ZNF432: variants seen among roughly 807,000 people sequenced by gnomAD.
ZNF432 encodes zinc finger protein 432.
Under a neutral mutation model 13.9 loss-of-function variants are expected in ZNF432, and 10 were observed. The ratio of observed to expected loss-of-function variants is 0.72; its 90% CI spans 0.44 to 1.22. The LOEUF (loss-of-function observed/expected upper bound fraction) is 1.22. Among genes scored for constraint, ZNF432 ranks in the 50% most tolerant of loss-of-function variants. ZNF432 has a pLI of 0.00. For synonymous variants in ZNF432, 247 were observed against 256.2 expected, an observed-to-expected ratio of 0.96 and a Z score of 0.34; for missense variants, 793 against 796.2, an observed-to-expected ratio of 1.00 and a Z score of 0.05.
At chr19:52,046,828 A>C (rs1225139858) in intron 2 of ZNF432, 26 bp downstream of exon 2, 2 of 1,612,048 alleles carry the variant, frequency 1.2e-6, no homozygotes, top group Admixed American at 3.3e-5. Context: ...GGAATAAAGG[A>C]GAGAATAAAA....
chr19:52,032,439 T>TG lies in ZNF432; in HGVS notation c.*1280_*1281insC, dbSNP rs1226061998. On this transcript the variant is annotated 3_prime_UTR_variant, in exon 5 of 5. Transcript: ENST00000221315. ...TTGTGACAGTCCTCAAATATGGTTT[T>TG]TTTTTTTTTTTTTTGAGGCAGAGTT... The TG allele has an allele frequency of 4.0e-5, 6 of 150,778 alleles. No individual in the cohort carries two copies. The highest frequency in any genetic ancestry group is 8.9e-5 in the Non-Finnish European group (6 of 67,616). 9.3% of individuals were successfully genotyped at this position (150,778 alleles called of 1,614,324 possible).
chr19:52,048,182 C>CACACACA (rs1482172095), intron 1 of ZNF432, among the ~76,000 whole-genome samples: 1 of 146,216 alleles, frequency 6.8e-6, no homozygotes, highest in East Asian at 2.0e-4. Flanking sequence ...CACACACACA[C>CACACACA]AAAACCAGCC....
In ZNF432 at chr19:52,034,215, A is replaced by C; in HGVS notation, c.1464T>G (p.Ser488Arg). Residue 488 changes from serine to arginine, a missense_variant, in exon 5 of 5, where the codon AGT (serine) becomes AGG (arginine). Physicochemically the swap from Ser to Arg is moderately radical, Grantham distance 110. Coordinates refer to ENST00000221315, the MANE Select transcript of ZNF432 (RefSeq NM_014650.4). ...THTGEKPYRC[S>R]ECGKGFIVNS... Reference sequence around the variant, plus strand: ...TCACAATGAAACCTTTCCCACATTCACTGCACCTGTAAGGTTTCTCTCCAG... The same window carrying C: ...TCACAATGAAACCTTTCCCACATTCCCTGCACCTGTAAGGTTTCTCTCCAG... 2.5e-6 allele frequency: 4 copies of C among 1,614,110 alleles called. No homozygotes were observed. The highest frequency in any genetic ancestry group is 3.4e-6 in the Non-Finnish European group (4 of 1,180,004).
At position 52,034,519 on chromosome 19, in the gene ZNF432, C is replaced by T. The variant is rs1164838013; in HGVS notation, c.1160G>A (p.Arg387His). ...ECGKGFTMKS[R>H]MIEHQRTHTG... ...ATGAGTTCGTTGATGTTCGATCATACGGCTCTTCATGGTGAAGCCTTTCCC... is the reference window on the plus strand; with the variant it reads ...ATGAGTTCGTTGATGTTCGATCATATGGCTCTTCATGGTGAAGCCTTTCCC... The change falls in exon 5 of 5, where the codon CGT (arginine) becomes CAT (histidine). Residue 387 changes from arginine (R) to histidine (H), a missense_variant. Coordinates refer to ENST00000221315, the MANE Select transcript of ZNF432 (RefSeq NM_014650.4). 1.2e-5 allele frequency: 20 copies of T among 1,613,086 alleles called. No homozygotes were observed. The highest frequency in any genetic ancestry group is 2.7e-5 in the African/African-American group (2 of 74,632).
In ZNF432 at chr19:52,040,134, C is replaced by G. The variant is rs184293939; in HGVS notation, c.238+354G>C. Among the ~76,000 whole-genome samples, 50 of 152,196 alleles carry G rather than the reference C, an allele frequency of 3.3e-4. 1 individual carries two copies. In the East Asian group the frequency reaches 6.7e-3, roughly 21 times the overall value. The stretch of plus-strand genomic sequence containing the variant: ...GATGAACTAAAGGAAAAGTAGAAAT[C>G]AAATGTACAAAGGAAGTACTCTGAG... On this transcript the variant is annotated intron_variant, in intron 4 of 4. Coordinates refer to ENST00000221315, the MANE Select transcript of ZNF432 (RefSeq NM_014650.4).
rs3138637 is a variant in ZNF432, at chr19:52,048,128, A to AACACACACACACACACACACACACACAC, written c.-193+539_-193+566dup. On this transcript the variant is annotated intron_variant, in intron 1 of 4. Coordinates refer to ENST00000221315, the MANE Select transcript of ZNF432 (RefSeq NM_014650.4). ...TCTGTTCCAGCCAAAGTTTGAGCTC[A>AACACACACACACACACACACACACACAC]ACACACACACACACACACACACACA... 1.4e-3 allele frequency among the ~76,000 whole-genome samples: 141 copies of AACACACACACACACACACACACACACAC among 103,422 alleles called. 8 individuals carry two copies. The highest frequency in any genetic ancestry group is 1.9e-3 in the Non-Finnish European group (94 of 49,568). The allele number at this position is 103,422 out of a possible 152,430, so 67.8% of individuals were successfully genotyped here.
chr19:52,034,918 A>G lies in ZNF432; in HGVS notation c.761T>C (p.Ile254Thr), dbSNP rs1205554175. Residue 254 changes from isoleucine to threonine, a missense_variant, in exon 5 of 5, where the codon ATT becomes ACT. By Grantham distance (89) the Ile-to-Thr change is moderately conservative (BLOSUM62 -1). Coordinates refer to ENST00000221315, the MANE Select transcript of ZNF432 (RefSeq NM_014650.4). ...RKSRLNEHQRIHKREKSFICS... is the reference protein window; with the variant it reads ...RKSRLNEHQRTHKREKSFICS... Reference sequence around the variant, plus strand: ...TATAAAAGATTTCTCTCTTTTATGAATTCTTTGATGTTCATTTAGCCTGGA... The same window carrying G: ...TATAAAAGATTTCTCTCTTTTATGAGTTCTTTGATGTTCATTTAGCCTGGA... The G allele has an allele frequency of 1.2e-6, 2 of 1,612,864 alleles. No individual in the cohort carries two copies. Among genetic ancestry groups the G allele is most frequent in the East Asian group, 2.2e-5 (1 of 44,882 alleles).
rs2087067603 is a variant in ZNF432 at position 52,035,258 on chromosome 19, A to C, written c.421T>G (p.Leu141Val). The C allele has an allele frequency of 1.2e-6, 2 of 1,604,844 alleles. No individual in the cohort carries two copies. Among genetic ancestry groups the C allele is most frequent in the South Asian group, 2.3e-5 (2 of 88,406 alleles). The change falls in exon 5 of 5, where the codon TTA becomes GTA. Residue 141 changes from leucine (L) to valine (V), a missense_variant. Coordinates refer to ENST00000221315, the MANE Select transcript of ZNF432 (RefSeq NM_014650.4). ...ELYIKTLKSNLSLVNQNKSCE... is the reference protein window; with the variant it reads ...ELYIKTLKSNVSLVNQNKSCE... ...CTTTTGTTCTGGTTGACTAAACTTA[A>C]ATTTGATTTCAAAGTTTTTATATAT...
Position 52,034,910 on chromosome 19 carries a change from TTTTATGAATTC to T in ZNF432, c.758_768del (p.Arg253LysfsTer9). ...TCACTGCATATAAAAGATTTCTCTC[TTTTATGAATTC>T]TTTGATGTTCATTTAGCCTGGACTT... On this transcript the variant is annotated frameshift_variant, in exon 5 of 5. Transcript: ENST00000221315. LOFTEE classifies it low-confidence loss of function (END_TRUNC). The T allele has an allele frequency of 6.2e-7, 1 of 1,613,274 alleles. No homozygotes were observed. The highest frequency in any genetic ancestry group is 1.1e-5 in the South Asian group (1 of 90,788).
rs755035378 is a variant in ZNF432, at chr19:52,034,210, C to T, written c.1469G>A (p.Cys490Tyr). ...GCTATTCACAATGAAACCTTTCCCA[C>T]ATTCACTGCACCTGTAAGGTTTCTC... ...TGEKPYRCSE[C>Y]GKGFIVNSGL... Residue 490 changes from cysteine to tyrosine, a missense_variant, in exon 5 of 5, where the codon TGT becomes TAT. By Grantham distance (194) the Cys-to-Tyr change is radical. Coordinates refer to ENST00000221315, the MANE Select transcript of ZNF432 (RefSeq NM_014650.4). 36 of 1,614,040 alleles carry T rather than the reference C, an allele frequency of 2.2e-5. No individual in the cohort carries two copies. Among genetic ancestry groups the T allele is most frequent in the Non-Finnish European group, 3.0e-5 (35 of 1,180,022 alleles).
Position 52,041,508 on chromosome 19 carries a change from C to A in ZNF432, c.114G>T (p.Leu38Phe), listed in dbSNP as rs1415213069. 6.2e-7 allele frequency: 1 copy of A among 1,608,806 alleles called. No individual in the cohort carries two copies. The highest frequency in any genetic ancestry group is 2.2e-5 in the East Asian group (1 of 44,728). The part of the protein sequence containing the change: ...FQKDLYRDVM[L>F]EIYSNLLSMG... The stretch of plus-strand genomic sequence containing the variant: ...TTGATAGCAGGTTGCTGTAGATCTC[C>A]AACATCACATCCCGGTACAAATCCT... The change falls in exon 3 of 5, where the codon TTG becomes TTT. Residue 38 changes from leucine (L) to phenylalanine (F), a missense_variant. Physicochemically the swap from Leu to Phe is conservative, Grantham distance 22. Transcript: ENST00000221315.
At chr19:52,039,870 G>A (rs1179791943) in intron 4 of ZNF432, among the ~76,000 whole-genome samples, 2 of 149,648 alleles carry the variant, frequency 1.3e-5, no homozygotes, top group East Asian at 3.9e-4. Flanking sequence ...AAAGAAAGTA[G>A]ATTAGTGATT....
rs116310022 is a variant in ZNF432, at chr19:52,040,451, A to G, written c.238+37T>C. The G allele has an allele frequency of 5.7e-5, 90 of 1,570,500 alleles. No individual in the cohort carries two copies. The African/African-American group carries it at 1.1e-3, about 19-fold the overall frequency. ...CCCACAGAGCCTTCTTTCACTGACT[A>G]TAATATTACTTACGCATCTTGCTGC... On this transcript the variant is annotated intron_variant, in intron 4 of 4. Coordinates refer to ENST00000221315, the MANE Select transcript of ZNF432 (RefSeq NM_014650.4).
rs1469716027 is a variant in ZNF432, at chr19:52,034,844, G to A, written c.835C>T (p.His279Tyr). The A allele has an allele frequency of 3.1e-6, 5 of 1,613,810 alleles. No homozygotes were observed. Among genetic ancestry groups the A allele is most frequent in the Non-Finnish European group, 3.4e-6 (4 of 1,179,836 alleles). Residue 279 changes from histidine to tyrosine, a missense_variant, in exon 5 of 5, where the codon CAT becomes TAT. Physicochemically the swap from His to Tyr is moderately conservative, Grantham distance 83. Coordinates refer to ENST00000221315, the MANE Select transcript of ZNF432 (RefSeq NM_014650.4). ...VFTMKSRLIE[H>Y]QRTHTGEKPY... ...TTCTCTCCAGTATGAGTTCGCTGATGTTCAATCAGACGGCTCTTCATAGTG... is the reference window on the plus strand; with the variant it reads ...TTCTCTCCAGTATGAGTTCGCTGATATTCAATCAGACGGCTCTTCATAGTG...
In ZNF432 at chr19:52,035,134, C is replaced by G; in HGVS notation, c.545G>C (p.Ser182Thr). Residue 182 changes from serine (S) to threonine (T), a missense_variant, in exon 5 of 5, where the codon AGT becomes ACT. Transcript: ENST00000221315. The stretch of plus-strand genomic sequence containing the variant: ...GGATTTAGTGCTATTGGCTTTTGTA[C>G]TTACAGAGAATTTAGCTGCAGAATA... The part of the protein sequence containing the change: ...ELYSAAKFSV[S>T]TKANSTKSQV... 6.2e-7 allele frequency: 1 copy of G among 1,614,004 alleles called. No individual in the cohort carries two copies. The highest frequency in any genetic ancestry group is 2.2e-5 in the East Asian group (1 of 44,864).
intron 1 of ZNF432, among the ~76,000 whole-genome samples, chr19:52,048,182 C>CACAA (rs1482172095): frequency 6.8e-5 from 10 of 146,216 alleles, no homozygotes; most frequent in African/African-American, 2.4e-4. Flanking sequence ...CACACACACA[C>CACAA]AAAACCAGCC....
chr19:52,043,911 A>G (rs976708735), intron 2 of ZNF432, among the ~76,000 whole-genome samples: 5 of 152,092 alleles, frequency 3.3e-5, no homozygotes, highest in African/African-American at 1.2e-4. Context: ...TCGGAGAAAC[A>G]CCCATGAATG....
At position 52,040,484 on chromosome 19, in the gene ZNF432, A is replaced by G. The variant is rs752479095; in HGVS notation, c.238+4T>C. ...ACTTACGCATCTTGCTGCTTCTCAC[A>G]TACCTGGACAGATTCGACTGTGCCT... On this transcript the variant is annotated splice_donor_region_variant and intron_variant, in intron 4 of 4. Coordinates refer to ENST00000221315, the MANE Select transcript of ZNF432 (RefSeq NM_014650.4). 38 of 1,613,442 alleles carry G rather than the reference A, an allele frequency of 2.4e-5. No homozygotes were observed. The highest frequency in any genetic ancestry group is 3.1e-5 in the Non-Finnish European group (36 of 1,179,512).
intron 1 of ZNF432, among the ~76,000 whole-genome samples, chr19:52,047,608 C>T (rs973417915): frequency 6.7e-6 from 1 of 149,358 alleles, no homozygotes; most frequent in African/African-American, 2.5e-5. Flanking sequence ...ACGCAGGAGG[C>T]GAAGTTTGCA....
Sources: allele counts gnomAD v4.1 joint callset (sites outside exome capture counted in the v4.1 genomes callset), GRCh38; gene constraint gnomAD v4.1.1; transcripts MANE v1.5; gene names NCBI Gene and HGNC (gene_info 2026-07-23, HGNC 2026-07-21).